CCDC146: variants seen among roughly 807,000 people sequenced by gnomAD.
CCDC146 encodes the protein coiled-coil domain-containing protein 146.
CCDC146 carries 92 observed loss-of-function variants against 119.3 expected under a neutral mutation model. The ratio of observed to expected loss-of-function variants is 0.77; its 90% CI spans 0.65 to 0.92. The LOEUF is 0.92. Ranked by LOEUF, CCDC146 falls within the 40% of genes least tolerant of loss-of-function variation. The pLI, the probability that CCDC146 is intolerant of heterozygous loss-of-function variation, is 0.00. For missense variants in CCDC146, 1,000 were observed against 1,103.0 expected (o/e 0.91, Z 1.32); for synonymous variants, 372 against 371.8 (o/e 1.00, Z -0.01).
At chr7:77,217,050 ATATTT>A (rs1406128589) in intron 2 of CCDC146, among the ~76,000 whole-genome samples, 2 of 152,108 alleles carry the variant, frequency 1.3e-5, no homozygotes, top group Non-Finnish European at 2.9e-5. Flanking sequence ...TAATTTTAAA[ATATTT>A]TGATTAGTGA....
At chr7:77,202,552 G>A (rs1280423256) in intron 2 of CCDC146, among the ~76,000 whole-genome samples, 1 of 152,118 alleles carries the variant, frequency 6.6e-6, no homozygotes, top group Non-Finnish European at 1.5e-5. Flanking sequence ...CCTGACATAA[G>A]GGTAGAGAAC....
At chr7:77,182,549 A>G (rs1294017814) in intron 2 of CCDC146, among the ~76,000 whole-genome samples, 3 of 152,146 alleles carry the variant, frequency 2.0e-5, no homozygotes, top group African/African-American at 7.2e-5. Flanking sequence ...AGGCAGGTAG[A>G]TGGCTTGAGC....
At chr7:77,171,725 C>T (rs1791424929) in intron 2 of CCDC146, among the ~76,000 whole-genome samples, 1 of 152,224 alleles carries the variant, frequency 6.6e-6, no homozygotes, top group Admixed American at 6.5e-5. Flanking sequence ...CCACTCTTCA[C>T]AGAGTGACCT....
chr7:77,123,107 T>C (rs1346754640), intron 1 of CCDC146, among the ~76,000 whole-genome samples: 2 of 149,620 alleles, frequency 1.3e-5, no homozygotes, highest in African/African-American at 5.0e-5. Context: ...CAAATTACCG[T>C]GTAAAGTACT....
At chr7:77,266,763 A>T (rs536758241) in intron 9 of CCDC146, among the ~76,000 whole-genome samples, 1 of 151,964 alleles carries the variant, frequency 6.6e-6, no homozygotes, top group Admixed American at 6.6e-5. Context: ...TTCATGTCCA[A>T]TTTTTCCTCC....
intron 17 of CCDC146, among the ~76,000 whole-genome samples, chr7:77,292,467 A>T (rs1456097563): frequency 6.6e-6 from 1 of 151,734 alleles, no homozygotes; most frequent in African/African-American, 2.4e-5. Context: ...TACAAAAAAA[A>T]TTAGCCGGGT....
At chr7:77,169,301 G>A (rs576092942) in intron 2 of CCDC146, among the ~76,000 whole-genome samples, 41 of 152,134 alleles carry the variant, frequency 2.7e-4, no homozygotes, top group African/African-American at 9.2e-4. Flanking sequence ...TGTCCCATTT[G>A]CTAGACTTGT....
chr7:77,197,368 G>A (rs986139625), intron 2 of CCDC146, among the ~76,000 whole-genome samples: 4 of 152,232 alleles, frequency 2.6e-5, no homozygotes, highest in Admixed American at 1.3e-4. Flanking sequence ...TGATGTAGGC[G>A]TTACTGCCAG....
intron 2 of CCDC146, among the ~76,000 whole-genome samples, chr7:77,222,761 G>A (rs1182021607): frequency 6.6e-6 from 1 of 152,208 alleles, no homozygotes; most frequent in African/African-American, 2.4e-5. Context: ...TAAGGGCCCA[G>A]GCTCCATTTC....
At chr7:77,287,986 A>G (rs17151066) in intron 17 of CCDC146, among the ~76,000 whole-genome samples, 1 of 152,096 alleles carries the variant, frequency 6.6e-6, no homozygotes, top group South Asian at 2.1e-4. Context: ...AAAGGGACTG[A>G]TAAAGAGAAA....
chr7:77,142,551 C>T (rs1019137087), intron 1 of CCDC146, among the ~76,000 whole-genome samples: 5 of 152,028 alleles, frequency 3.3e-5, no homozygotes, highest in Non-Finnish European at 7.4e-5. Flanking sequence ...TCTCCTAATG[C>T]TTTCCCTCCC....
chr7:77,171,743 A>G (rs1427890836), intron 2 of CCDC146, among the ~76,000 whole-genome samples: 1 of 152,248 alleles, frequency 6.6e-6, no homozygotes, highest in Non-Finnish European at 1.5e-5. Flanking sequence ...CCTTAAGACC[A>G]GTTTATAAAG....
chr7:77,167,851 A>T (rs1791360767), intron 2 of CCDC146, 27 bp downstream of exon 2: 1 of 1,603,632 alleles, frequency 6.2e-7, no homozygotes. Flanking sequence ...ATGTTACTAC[A>T]GTAAAACCCA....
At chr7:77,221,582 A>G (rs1232300959) in intron 2 of CCDC146, among the ~76,000 whole-genome samples, 1 of 152,184 alleles carries the variant, frequency 6.6e-6, no homozygotes, top group Non-Finnish European at 1.5e-5. Flanking sequence ...CCACCCTGAT[A>G]CATAGCCATA....
At position 77,145,675 on chromosome 7, in the gene CCDC146, A is replaced by T. The variant is rs535085551; in HGVS notation, c.-11-21983A>T. ...TATTTCTGCCTTCACTTCGTTATGT[A>T]CCCAGTAGTCATTCAGGAGCAGGTT... is the stretch of plus-strand genomic sequence containing the variant. On this transcript the variant is annotated intron_variant, in intron 1 of 18. Transcript: ENST00000285871. 9.9e-5 allele frequency among the ~76,000 whole-genome samples: 15 copies of T among 152,212 alleles called. No individual in the cohort carries two copies. In the South Asian group the frequency reaches 2.9e-3, roughly 29 times the overall value.
rs779767745 is a variant in CCDC146 at position 77,293,157 on chromosome 7, G to C, written c.2621G>C (p.Arg874Pro). The change falls in exon 18 of 19, where the codon CGA (arginine) becomes CCA (proline). Residue 874 changes from arginine to proline, a missense_variant. Physicochemically the swap from Arg to Pro is moderately radical, Grantham distance 103. Transcript: ENST00000285871. Reference protein sequence around the residue: ...EIEKEWLKVLRDEEMHALAIA... With the variant: ...EIEKEWLKVLPDEEMHALAIA... The stretch of plus-strand genomic sequence containing the variant: ...GAGAAAGAATGGTTGAAAGTCCTTC[G>C]AGATGAAGAAATGCACGCCTTGGCC... The C allele has an allele frequency of 6.2e-7, 1 of 1,614,098 alleles. No homozygotes were observed.
chr7:77,244,631 C>T (rs1792912934), intron 4 of CCDC146, among the ~76,000 whole-genome samples: 1 of 152,204 alleles, frequency 6.6e-6, no homozygotes, highest in African/African-American at 2.4e-5. Context: ...ACCACATAGC[C>T]TAGATGTGTA....
intron 2 of CCDC146, among the ~76,000 whole-genome samples, chr7:77,214,092 A>C (rs1159149499): frequency 6.6e-6 from 1 of 152,164 alleles, no homozygotes; most frequent in Non-Finnish European, 1.5e-5. Flanking sequence ...GCAGCGTATA[A>C]GGATTCCTTT....
intron 7 of CCDC146, 170 bp from the exon 8 acceptor site, chr7:77,259,839 C>T (rs1396743620): frequency 2.1e-5 from 12 of 576,022 alleles, no homozygotes; most frequent in African/African-American, 3.8e-5. Context: ...CATCTGTGGT[C>T]TTTACCCACT....
Sources: gnomAD v4.1 joint callset for allele counts (sites outside exome capture counted in the v4.1 genomes callset) on GRCh38, gnomAD v4.1.1 for gene constraint, MANE v1.5 for transcripts, NCBI Gene and HGNC (gene_info 2026-07-23, HGNC 2026-07-21) for gene names.